The following CSMD1 variants were observed in gnomAD, a reference collection of about 807,000 sequenced individuals.
The protein encoded by CSMD1 is CUB and Sushi multiple domains 1, also known as CUB and sushi domain-containing protein 1.
A neutral mutation model predicts 417.5 loss-of-function variants in CSMD1; 213 were observed. The ratio of observed to expected loss-of-function variants is 0.51; its 90% CI spans 0.46 to 0.57. The LOEUF is 0.57. Among genes scored for constraint, CSMD1 ranks in the 20% least tolerant of loss-of-function variants. The pLI is 0.00. For synonymous variants in CSMD1, 2,862 were observed against 1,736.8 expected (o/e 1.65, Z -16.11); for missense variants, 6,923 against 4,529.7 (o/e 1.53, Z -15.17).
At chr8:3,447,789 G>C (rs1169530068) in intron 12 of CSMD1, among the ~76,000 whole-genome samples, 1 of 152,180 alleles carries the variant, frequency 6.6e-6, no homozygotes, top group South Asian at 2.1e-4. Context: ...AGTGGATGGA[G>C]GGTGCAGAAT....
chr8:4,869,582 ATGT>A (rs1180416822), intron 1 of CSMD1, among the ~76,000 whole-genome samples: 1 of 152,050 alleles, frequency 6.6e-6, no homozygotes, highest in Non-Finnish European at 1.5e-5. Context: ...TTTGTGTTAA[ATGT>A]TGTAGTTTAG....
intron 5 of CSMD1, among the ~76,000 whole-genome samples, chr8:3,957,725 G>GAAAAGAAATGTA (rs200525108): frequency 6.6e-6 from 1 of 151,202 alleles, no homozygotes; most frequent in Non-Finnish European, 1.5e-5. Flanking sequence ...AAAAGAAAAA[G>GAAAAGAAATGTA]GAAAAGAAAT....
chr8:3,713,423 CCT>C (rs1224017902), intron 6 of CSMD1, among the ~76,000 whole-genome samples: 1 of 152,022 alleles, frequency 6.6e-6, no homozygotes, highest in Non-Finnish European at 1.5e-5. Flanking sequence ...CTTTCTCTGC[CCT>C]CTCTAGCTGG....
intron 2 of CSMD1, among the ~76,000 whole-genome samples, chr8:4,460,962 A>G (rs1799778775): frequency 6.6e-6 from 1 of 152,122 alleles, no homozygotes; most frequent in African/African-American, 2.4e-5. Context: ...ATAGTTATAG[A>G]TAGAAACTAC....
intron 2 of CSMD1, among the ~76,000 whole-genome samples, chr8:4,531,238 T>C (rs1200650517): frequency 6.6e-6 from 1 of 152,196 alleles, no homozygotes; most frequent in East Asian, 1.9e-4. Context: ...CACTGATAGA[T>C]GATCTCCTTA....
intron 5 of CSMD1, among the ~76,000 whole-genome samples, chr8:3,820,844 A>G (rs142160961): frequency 5.3e-4 from 81 of 152,192 alleles, no homozygotes; most frequent in African/African-American, 1.1e-3. Context: ...TCGACCTCCC[A>G]AAGTGCTGGG....
At chr8:3,394,679 A>T (rs915630997) in intron 17 of CSMD1, among the ~76,000 whole-genome samples, 4 of 152,076 alleles carry the variant, frequency 2.6e-5, no homozygotes, top group African/African-American at 9.7e-5. Flanking sequence ...CTTATTAGGG[A>T]TCTTACAAAT....
chr8:3,677,996 C>T (rs1007547692), intron 7 of CSMD1, among the ~76,000 whole-genome samples: 2 of 152,144 alleles, frequency 1.3e-5, no homozygotes, highest in African/African-American at 4.8e-5. Flanking sequence ...CAGCCTCCAT[C>T]TGGGGTGTCT....
intron 3 of CSMD1, among the ~76,000 whole-genome samples, chr8:4,055,685 T>C (rs2130714517): frequency 6.6e-6 from 1 of 152,208 alleles, no homozygotes; most frequent in East Asian, 1.9e-4. Flanking sequence ...AAAGTAACAA[T>C]ATACTTTGAA....
intron 3 of CSMD1, among the ~76,000 whole-genome samples, chr8:4,287,545 G>A (rs183623980): frequency 1.0e-3 from 155 of 152,164 alleles, no homozygotes; most frequent in African/African-American, 3.6e-3. Flanking sequence ...TATCGTTATA[G>A]ATAACAAAGA....
chr8:4,953,303 A>G (rs559840497), intron 1 of CSMD1, among the ~76,000 whole-genome samples: 6 of 152,294 alleles, frequency 3.9e-5, no homozygotes, highest in Admixed American at 1.3e-4. Context: ...AGAAAGTACA[A>G]TATCTATTCA....
chr8:4,472,056 G>A (rs953455702), intron 2 of CSMD1, among the ~76,000 whole-genome samples: 2 of 152,114 alleles, frequency 1.3e-5, no homozygotes, highest in African/African-American at 4.8e-5. Context: ...CAGATTTAAT[G>A]CTTAGCTGGG....
At chr8:4,929,075 A>T (rs1807065048) in intron 1 of CSMD1, among the ~76,000 whole-genome samples, 1 of 152,106 alleles carries the variant, frequency 6.6e-6, no homozygotes, top group Non-Finnish European at 1.5e-5. Flanking sequence ...CTATCTAAAC[A>T]ACAACAAAAA....
chr8:3,144,755 G>C (rs573740551), intron 40 of CSMD1, among the ~76,000 whole-genome samples: 5 of 132,012 alleles, frequency 3.8e-5, no homozygotes, highest in African/African-American at 1.1e-4. Context: ...TCAGAAGTGA[G>C]AAAAAAAGAA....
chr8:3,273,539 T>C (rs982755310), intron 26 of CSMD1, among the ~76,000 whole-genome samples: 10 of 152,220 alleles, frequency 6.6e-5, no homozygotes, highest in African/African-American at 2.4e-4. Context: ...CTGGTAGAAT[T>C]CGGTTGTGAG....
intron 10 of CSMD1, among the ~76,000 whole-genome samples, chr8:3,528,513 C>T (rs773357415): frequency 8.5e-5 from 13 of 152,204 alleles, no homozygotes; most frequent in Non-Finnish European, 1.6e-4. Flanking sequence ...CCTGTGGGCT[C>T]TTCTTCCTGA....
chr8:3,878,460 G>A (rs1805979736), intron 5 of CSMD1, among the ~76,000 whole-genome samples: 1 of 151,968 alleles, frequency 6.6e-6, no homozygotes, highest in Non-Finnish European at 1.5e-5. Context: ...GTGTAAACAT[G>A]AACAGACTCT....
intron 3 of CSMD1, among the ~76,000 whole-genome samples, chr8:4,037,642 T>C (rs182238591): frequency 1.3e-5 from 2 of 152,130 alleles, no homozygotes; most frequent in African/African-American, 4.8e-5. Context: ...GGTGTGCTTA[T>C]CTACTGAAAA....
At chr8:4,752,074 T>A (rs1811368275) in intron 1 of CSMD1, among the ~76,000 whole-genome samples, 1 of 135,954 alleles carries the variant, frequency 7.4e-6, no homozygotes, top group Non-Finnish European at 1.7e-5. Context: ...AACATATGTA[T>A]ATTCATGTCT....
Sources: allele counts gnomAD v4.1 joint callset (sites outside exome capture counted in the v4.1 genomes callset), GRCh38; gene constraint gnomAD v4.1.1; transcripts MANE v1.5; gene names NCBI Gene and HGNC (gene_info 2026-07-23, HGNC 2026-07-21).